Variants in KCTD18 observed in about 807,000 individuals in gnomAD.
The protein encoded by KCTD18 is BTB/POZ domain-containing protein KCTD18.
In KCTD18, 22 loss-of-function variants were observed where a neutral mutation model predicts 30.4. The ratio of observed to expected loss-of-function variants is 0.72; its 90% CI spans 0.52 to 1.03. KCTD18 has a LOEUF of 1.03. Among genes scored for constraint, KCTD18 ranks in the 50% least tolerant of loss-of-function variants. The probability of loss-of-function intolerance (pLI) is 0.00; values close to 1 mark genes in which losing one functional copy is unlikely to be tolerated. For synonymous variants in KCTD18, 186 were observed against 209.0 expected (o/e 0.89, Z 0.95); for missense variants, 529 against 547.6 (o/e 0.97, Z 0.34).
Position 200,490,492 on chromosome 2 carries a change from C to T in KCTD18, c.889G>A (p.Val297Met). Reference sequence around the variant, plus strand: ...GTCTGGATGGCACTGGCTGGAGACACCGTGACTGAGGCCGAGTTCTTGACT... The same window carrying T: ...GTCTGGATGGCACTGGCTGGAGACATCGTGACTGAGGCCGAGTTCTTGACT... ...IKVKNSASVT[V>M]SPASAIQTSA... is the part of the protein sequence containing the mutation. Residue 297 changes from valine to methionine, a missense_variant, in exon 7 of 7, where the codon GTG (valine) becomes ATG (methionine). By Grantham distance (21) the Val-to-Met change is conservative. Coordinates refer to ENST00000359878, the MANE Select transcript of KCTD18 (RefSeq NM_152387.4). 1 of 1,611,764 alleles carries T rather than the reference C, an allele frequency of 6.2e-7. No homozygotes were observed. The highest frequency in any genetic ancestry group is 8.5e-7 in the Non-Finnish European group (1 of 1,180,018).
At chr2:200,495,300 G>A (rs1002499978) in intron 5 of KCTD18, among the ~76,000 whole-genome samples, 1 of 151,946 alleles carries the variant, frequency 6.6e-6, no homozygotes, top group Admixed American at 6.5e-5. Context: ...AACTTTAATC[G>A]CTTTATTATA....
intron 1 of KCTD18, 50 bp downstream of exon 1, chr2:200,509,578 G>C (rs373226300): frequency 3.3e-5 from 5 of 152,596 alleles, no homozygotes; most frequent in East Asian, 1.9e-4. Flanking sequence ...TATGTGGAAA[G>C]TGTCCAGCCC....
At chr2:200,501,206 A>T (rs1475083102) in intron 3 of KCTD18, among the ~76,000 whole-genome samples, 1 of 151,740 alleles carries the variant, frequency 6.6e-6, no homozygotes, top group Non-Finnish European at 1.5e-5. Flanking sequence ...AGGTATTACC[A>T]TTCAGGACAT....
intron 6 of KCTD18, 83 bp from the exon 7 acceptor site, chr2:200,490,699 T>C: frequency 1.4e-6 from 2 of 1,427,134 alleles, no homozygotes; most frequent in East Asian, 2.3e-5. Flanking sequence ...CCTTCAGCAT[T>C]AACAGAAAGG....
At position 200,490,447 on chromosome 2, in the gene KCTD18, T is replaced by C. The variant is rs768275163; in HGVS notation, c.934A>G (p.Asn312Asp). ...CTGCGGCTACCACTTTGAAACCGGT[T>C]TGCTGTCGCCCCAGCCGACGTCTGG... ...AIQTSAGATANRFQSGSRRKA... is the reference protein window; with the variant it reads ...AIQTSAGATADRFQSGSRRKA... The change falls in exon 7 of 7, where the codon AAC becomes GAC. Residue 312 changes from asparagine to aspartate, a missense_variant. Transcript: ENST00000359878. 1 of 1,613,966 alleles carries C rather than the reference T, an allele frequency of 6.2e-7. No individual in the cohort carries two copies. Among genetic ancestry groups the C allele is most frequent in the Admixed American group, 1.7e-5 (1 of 60,026 alleles).
chr2:200,509,212 G>A (rs1016569250), intron 1 of KCTD18, among the ~76,000 whole-genome samples: 10 of 152,258 alleles, frequency 6.6e-5, no homozygotes, highest in African/African-American at 2.4e-4. Flanking sequence ...AAAAAAAAGA[G>A]TGATGTGTAC....
chr2:200,495,590 C>T (rs983511087), intron 5 of KCTD18, among the ~76,000 whole-genome samples: 2 of 152,078 alleles, frequency 1.3e-5, no homozygotes, highest in African/African-American at 4.8e-5. Context: ...GAGATCTTTA[C>T]TCATCTGGTA....
chr2:200,508,960 T>C (rs939207925), intron 1 of KCTD18, among the ~76,000 whole-genome samples: 2 of 152,218 alleles, frequency 1.3e-5, no homozygotes, highest in African/African-American at 2.4e-5. Context: ...TTAGAATCCT[T>C]GCACAATTCT....
Position 200,489,232 on chromosome 2 carries a change from A to T in KCTD18, c.*868T>A, listed in dbSNP as rs2087868614. On this transcript the variant is annotated 3_prime_UTR_variant, in exon 7 of 7. Coordinates refer to ENST00000359878, the MANE Select transcript of KCTD18 (RefSeq NM_152387.4). Reference sequence around the variant, plus strand: ...CAAAATATTCTGTTTAAAAATATTAAATTCAAGTTACATGGAAATTTTATG... The same window carrying T: ...CAAAATATTCTGTTTAAAAATATTATATTCAAGTTACATGGAAATTTTATG... The T allele has an allele frequency of 6.6e-6, 1 of 152,648 alleles. No homozygotes were observed. 9.5% of individuals were successfully genotyped at this position (152,648 alleles called of 1,614,324 possible). A position where few individuals can be genotyped will look rare whatever the true frequency, so the allele number is the denominator to read the frequency against.
chr2:200,490,398 G>T lies in KCTD18; in HGVS notation c.983C>A (p.Pro328His). The change falls in exon 7 of 7, where the codon CCT becomes CAT. Residue 328 changes from proline (P) to histidine (H), a missense_variant. Transcript: ENST00000359878. ...GCCCACCAGGGCCGTGGCTCTGGAA[G>T]GTGCAGAGCGCTGAGCTGCCTTTCT... ...SRRKAAQRSA[P>H]SRATALVGTG... 2 of 1,614,036 alleles carry T rather than the reference G, an allele frequency of 1.2e-6. No homozygotes were observed. Among genetic ancestry groups the T allele is most frequent in the East Asian group, 4.5e-5 (2 of 44,886 alleles).
chr2:200,505,486 T>G (rs973102534), intron 2 of KCTD18, among the ~76,000 whole-genome samples: 7 of 152,204 alleles, frequency 4.6e-5, no homozygotes, highest in Non-Finnish European at 1.0e-4. Context: ...CACTACCATA[T>G]GGGAAAATAT....
rs374044319 is a variant in KCTD18 at position 200,507,059 on chromosome 2, G to T, written c.-43C>A. ...GAATTTTTGCCGCCCAACACTTTCA[G>T]AAACTTCAAAACAATGATGTCTTGG... is the stretch of plus-strand genomic sequence containing the variant. On this transcript the variant is annotated 5_prime_UTR_variant, in exon 2 of 7. It adds an upstream start codon to the 5' untranslated region. Coordinates refer to ENST00000359878, the MANE Select transcript of KCTD18 (RefSeq NM_152387.4). 5.2e-6 allele frequency: 8 copies of T among 1,540,030 alleles called. No homozygotes were observed. The highest frequency in any genetic ancestry group is 3.9e-5 in the Admixed American group (2 of 51,904).
In KCTD18 at chr2:200,504,732, A is replaced by T. The variant is rs762192400; in HGVS notation, c.372+16T>A. On this transcript the variant is annotated intron_variant, in intron 3 of 6. Transcript: ENST00000359878. Reference sequence around the variant, plus strand: ...CATAAATATATATATTCAAAAACTTAAAAAAATGCCAAGACCTTTTTAAGT... The same window carrying T: ...CATAAATATATATATTCAAAAACTTTAAAAAATGCCAAGACCTTTTTAAGT... The T allele has an allele frequency of 4.4e-6, 7 of 1,583,218 alleles. No individual in the cohort carries two copies. Among genetic ancestry groups the T allele is most frequent in the South Asian group, 3.4e-5 (3 of 88,762 alleles).
rs201870494 is a variant in KCTD18 at position 200,490,425 on chromosome 2, C to T, written c.956G>A (p.Arg319His). 1.2e-5 allele frequency: 19 copies of T among 1,613,998 alleles called. No individual in the cohort carries two copies. The South Asian group carries it at 2.0e-4, about 17-fold the overall frequency. ...ATANRFQSGS[R>H]RKAAQRSAPS... Reference sequence around the variant, plus strand: ...TGCAGAGCGCTGAGCTGCCTTTCTGCGGCTACCACTTTGAAACCGGTTTGC... The same window carrying T: ...TGCAGAGCGCTGAGCTGCCTTTCTGTGGCTACCACTTTGAAACCGGTTTGC... The change falls in exon 7 of 7, where the codon CGC (arginine) becomes CAC (histidine). Residue 319 changes from arginine to histidine, a missense_variant. By Grantham distance (29) the Arg-to-His change is conservative (BLOSUM62 0). Transcript: ENST00000359878.
Position 200,490,218 on chromosome 2 carries a change from G to A in KCTD18, c.1163C>T (p.Ala388Val), listed in dbSNP as rs368312102. 2.4e-5 allele frequency: 38 copies of A among 1,580,270 alleles called. No homozygotes were observed. The highest frequency in any genetic ancestry group is 8.9e-5 in the East Asian group (4 of 44,900). ...KLKRTPLCAT[A>V]PCLPSPTATR... The stretch of plus-strand genomic sequence containing the variant: ...GGCCGTGGGGGAGGGCAGGCAAGGC[G>A]CGGTGGCGCACAGCGGAGTCCTCTT... Residue 388 changes from alanine to valine, a missense_variant, in exon 7 of 7, where the codon GCG (alanine) becomes GTG (valine). Ala to Val is a moderately conservative substitution (Grantham distance 64, BLOSUM62 0). Coordinates refer to ENST00000359878, the MANE Select transcript of KCTD18 (RefSeq NM_152387.4).
Position 200,501,491 on chromosome 2 carries a change from C to T in KCTD18, c.373-2407G>A, listed in dbSNP as rs1284529752. Among the ~76,000 whole-genome samples, 7 of 142,068 alleles carry T rather than the reference C, an allele frequency of 4.9e-5. No individual in the cohort carries two copies. In the East Asian group the frequency reaches 6.1e-4, roughly 12 times the overall value. 93.2% of individuals were successfully genotyped at this position (142,068 alleles called of 152,430 possible). On this transcript the variant is annotated intron_variant, in intron 3 of 6. Coordinates refer to ENST00000359878, the MANE Select transcript of KCTD18 (RefSeq NM_152387.4). ...AGTGGGCGAAGGACATGAACAGACA[C>T]TTCTCAAAAGAAGACATTTATGCAG...
chr2:200,496,243 T>C (rs967144472), intron 5 of KCTD18: 2 of 152,252 alleles, frequency 1.3e-5, no homozygotes, highest in African/African-American at 4.8e-5. Flanking sequence ...GGCAGTGGGC[T>C]CCTGGACATC....
intron 3 of KCTD18, 29 bp downstream of exon 3, chr2:200,504,719 T>A (rs377403621): frequency 2.0e-6 from 3 of 1,482,730 alleles, no homozygotes; most frequent in Non-Finnish European, 2.8e-6. Flanking sequence ...TAAATATATA[T>A]ATTCAAAAAC....
chr2:200,489,177 T>C lies in KCTD18; in HGVS notation c.*923A>G, dbSNP rs1057252292. On this transcript the variant is annotated 3_prime_UTR_variant, in exon 7 of 7. Coordinates refer to ENST00000359878, the MANE Select transcript of KCTD18 (RefSeq NM_152387.4). ...ACATTTACGAATAAACACACACAAC[T>C]GAATAGTCATGAAAAAATAGAGGAT... 8 of 152,550 alleles carry C rather than the reference T, an allele frequency of 5.2e-5. No individual in the cohort carries two copies. Among genetic ancestry groups the C allele is most frequent in the African/African-American group, 1.9e-4 (8 of 41,422 alleles). The allele number at this position is 152,550 out of a possible 1,614,324, so 9.4% of individuals were successfully genotyped here. A position where few individuals can be genotyped will look rare whatever the true frequency, so the allele number is the denominator to read the frequency against.
Sources: allele counts gnomAD v4.1 joint callset (sites outside exome capture counted in the v4.1 genomes callset), GRCh38; gene constraint gnomAD v4.1.1; transcripts MANE v1.5; gene names NCBI Gene and HGNC (gene_info 2026-07-23, HGNC 2026-07-21).